The following HSF5 variants were observed in gnomAD, a reference collection of about 807,000 sequenced individuals.
HSF5 encodes heat shock transcription factor 5, also known as heat shock factor protein 5.
In HSF5, 5 loss-of-function variants were observed where a neutral mutation model predicts 50.8. The observed-to-expected ratio is 0.10, with a 90% CI of 0.05 to 0.21. The LOEUF is 0.21. Among genes scored for constraint, HSF5 ranks in the 10% least tolerant of loss-of-function variants. The pLI is 1.00. For synonymous variants in HSF5, 307 were observed against 307.4 expected (o/e 1.00, Z 0.02); for missense variants, 564 against 762.6 (o/e 0.74, Z 3.07).
intron 2 of HSF5, among the ~76,000 whole-genome samples, chr17:58,467,768 T>C (rs1054543916): frequency 6.6e-6 from 1 of 152,232 alleles, no homozygotes; most frequent in Non-Finnish European, 1.5e-5. Context: ...TTTCAAAACT[T>C]TCCCTTTATA....
At chr17:58,456,919 G>T (rs1360955265) in intron 5 of HSF5, among the ~76,000 whole-genome samples, 2 of 151,874 alleles carry the variant, frequency 1.3e-5, no homozygotes, top group African/African-American at 4.8e-5. Context: ...GCCTAGGAGT[G>T]CAAGACCAGC....
intron 5 of HSF5, among the ~76,000 whole-genome samples, chr17:58,457,554 C>A (rs980818678): frequency 6.6e-6 from 1 of 151,968 alleles, no homozygotes; most frequent in Non-Finnish European, 1.5e-5. Flanking sequence ...AGCCAAGATG[C>A]GCCACTGCAT....
Position 58,486,887 on chromosome 17 carries a change from T to C in HSF5, c.550+838A>G, listed in dbSNP as rs564578674. ...AACTTTCCCTTGCCTGCTATTGTAA[T>C]GTTCTAAGTTCTCTCTTTTTTTTTT... On this transcript the variant is annotated intron_variant, in intron 1 of 5. Transcript: ENST00000323777. 8.0e-5 allele frequency among the ~76,000 whole-genome samples: 12 copies of C among 149,848 alleles called. No individual in the cohort carries two copies. The East Asian group carries it at 2.2e-3, about 27-fold the overall frequency.
chr17:58,468,603 G>C (rs535785675), intron 2 of HSF5, among the ~76,000 whole-genome samples: 1 of 152,020 alleles, frequency 6.6e-6, no homozygotes, highest in African/African-American at 2.4e-5. Flanking sequence ...ATCTTTAAAG[G>C]TAAATTGACC....
chr17:58,436,078 C>T (rs1356321687), intron 5 of HSF5, among the ~76,000 whole-genome samples: 3 of 152,086 alleles, frequency 2.0e-5, no homozygotes, highest in African/African-American at 4.8e-5. Flanking sequence ...TAGGTAAACA[C>T]GTCCAAGGTC....
chr17:58,425,337 C>T (rs765206122), intron 5 of HSF5, among the ~76,000 whole-genome samples: 3 of 150,768 alleles, frequency 2.0e-5, no homozygotes, highest in Non-Finnish European at 2.9e-5. Flanking sequence ...ATCTGGGAGG[C>T]GGAGGTTGCA....
At chr17:58,454,990 T>C (rs1398007616) in intron 5 of HSF5, among the ~76,000 whole-genome samples, 1 of 152,106 alleles carries the variant, frequency 6.6e-6, no homozygotes. Context: ...AAAATTCATA[T>C]AGCAATACAA....
chr17:58,461,253 AC>A (rs1206208842), intron 4 of HSF5, among the ~76,000 whole-genome samples: 9 of 138,866 alleles, frequency 6.5e-5, no homozygotes, highest in Admixed American at 2.9e-4. Context: ...AACAACAACA[AC>A]AACAACAAAC....
chr17:58,450,213 C>T (rs1167242700), intron 5 of HSF5, among the ~76,000 whole-genome samples: 69 of 150,242 alleles, frequency 4.6e-4, no homozygotes, highest in Non-Finnish European at 1.6e-4. Flanking sequence ...GTGGCGTGTA[C>T]CTGTAATCCC....
chr17:58,465,541 A>G (rs1974853813), intron 3 of HSF5, among the ~76,000 whole-genome samples: 1 of 152,008 alleles, frequency 6.6e-6, no homozygotes, highest in African/African-American at 2.4e-5. Flanking sequence ...GCCATGAAAA[A>G]TGGCCAGCTA....
chr17:58,462,749 G>T, intron 4 of HSF5, 33 bp downstream of exon 4: 1 of 1,548,238 alleles, frequency 6.5e-7, no homozygotes. Context: ...GGTACTTTGA[G>T]CTTTATAAGC....
chr17:58,424,183 A>G (rs919657608), intron 5 of HSF5, among the ~76,000 whole-genome samples: 1 of 152,240 alleles, frequency 6.6e-6, no homozygotes, highest in Non-Finnish European at 1.5e-5. Flanking sequence ...TCATACTCCC[A>G]TGATCACAGC....
intron 5 of HSF5, among the ~76,000 whole-genome samples, chr17:58,431,555 C>A (rs1255868519): frequency 6.6e-6 from 1 of 152,094 alleles, no homozygotes; most frequent in Admixed American, 6.6e-5. Flanking sequence ...CCGTGCATGA[C>A]CATATATATC....
At chr17:58,461,880 A>T (rs536969773) in intron 4 of HSF5, among the ~76,000 whole-genome samples, 3 of 152,082 alleles carry the variant, frequency 2.0e-5, no homozygotes, top group South Asian at 2.1e-4. Context: ...AAAAAAAAAA[A>T]TTTCTTTTTA....
rs992991093 is a variant in HSF5 at position 58,462,838 on chromosome 17, G to C, written c.1486C>G (p.Pro496Ala). ...ACAAATACTACTGAAGATGGAGATG[G>C]ATTATGATTTAGGTGCTCCTTCAGT... ...VKLKEHLNHN[P>A]SPSSVVFVQE... is the part of the protein sequence containing the mutation. The change falls in exon 4 of 6, where the codon CCA becomes GCA. Residue 496 changes from proline to alanine, a missense_variant. By Grantham distance (27) the Pro-to-Ala change is conservative (BLOSUM62 -1). Transcript: ENST00000323777. 1 of 1,613,842 alleles carries C rather than the reference G, an allele frequency of 6.2e-7. No individual in the cohort carries two copies. The highest frequency in any genetic ancestry group is 1.1e-5 in the South Asian group (1 of 91,048).
At chr17:58,460,985 G>A (rs931014235) in intron 4 of HSF5, among the ~76,000 whole-genome samples, 3 of 151,214 alleles carry the variant, frequency 2.0e-5, no homozygotes, top group Admixed American at 1.3e-4. Context: ...TTGGGAGGCC[G>A]AGGTGGGCGG....
intron 2 of HSF5, among the ~76,000 whole-genome samples, chr17:58,473,934 C>G (rs1598199902): frequency 6.6e-6 from 1 of 152,028 alleles, no homozygotes; most frequent in East Asian, 1.9e-4. Flanking sequence ...CAGCCTCAAC[C>G]TCCTGAGCTC....
chr17:58,466,853 G>C (rs775002352), intron 3 of HSF5, 32 bp downstream of exon 3: 3 of 1,312,514 alleles, frequency 2.3e-6, no homozygotes, highest in Non-Finnish European at 3.3e-6. Flanking sequence ...CACATAAAGC[G>C]CGGAGCATGG....
At chr17:58,452,268 AC>A (rs1370696663) in intron 5 of HSF5, among the ~76,000 whole-genome samples, 5 of 152,102 alleles carry the variant, frequency 3.3e-5, no homozygotes, top group Non-Finnish European at 5.9e-5. Flanking sequence ...AGACAAAAAA[AC>A]AAAAAAGAAA....
Sources: allele counts gnomAD v4.1 joint callset (sites outside exome capture counted in the v4.1 genomes callset), GRCh38; gene constraint gnomAD v4.1.1; transcripts MANE v1.5; gene names NCBI Gene and HGNC (gene_info 2026-07-23, HGNC 2026-07-21).